The following CASQ1 variants were observed in gnomAD, a reference collection of about 807,000 sequenced individuals.
CASQ1 encodes the protein calsequestrin 1.
CASQ1 carries 40 observed loss-of-function variants against 49.5 expected under a neutral mutation model. That is an observed-to-expected ratio of 0.81 (90% CI 0.63 to 1.05). The LOEUF is 1.05. Ranked by LOEUF, CASQ1 falls within the 50% of genes least tolerant of loss-of-function variation. The pLI is 0.00. For missense variants in CASQ1, 469 were observed against 486.9 expected, an observed-to-expected ratio of 0.96 and a Z score of 0.35; for synonymous variants, 174 against 187.2, an observed-to-expected ratio of 0.93 and a Z score of 0.58.
At chr1:160,198,885 A>T (rs1047448082) in intron 8 of CASQ1, 68 bp from the exon 9 acceptor site, 17 of 1,172,010 alleles carry the variant, frequency 1.5e-5, no homozygotes, top group Non-Finnish European at 2.1e-5. Flanking sequence ...GTAGCTCTGC[A>T]CTCCTGTTTC....
At chr1:160,193,903 T>TA (rs774080933) in intron 3 of CASQ1, 56 bp downstream of exon 3, 79 of 1,123,560 alleles carry the variant, frequency 7.0e-5, no homozygotes, top group Non-Finnish European at 9.6e-5. Flanking sequence ...GCCTGCCCCC[T>TA]AGTCCCTACC....
Position 160,190,639 on chromosome 1 carries a change from C to T in CASQ1, c.-113C>T. Reference sequence around the variant, plus strand: ...CTGTCCACTGCTCTGGGCCATTCCCCAATCCCCCCTCCCACTTGAGCCCCT... The same window carrying T: ...CTGTCCACTGCTCTGGGCCATTCCCTAATCCCCCCTCCCACTTGAGCCCCT... On this transcript the variant is annotated 5_prime_UTR_variant, in exon 1 of 11. Transcript: ENST00000368078. 1.0e-6 allele frequency: 1 copy of T among 1,004,602 alleles called. No individual in the cohort carries two copies. Among genetic ancestry groups the T allele is most frequent in the South Asian group, 1.6e-5 (1 of 61,072 alleles). The allele number at this position is 1,004,602 out of a possible 1,614,324, so 62.2% of individuals were successfully genotyped here.
chr1:160,197,426 G>A, intron 6 of CASQ1, 143 bp from the exon 7 acceptor site: 2 of 657,432 alleles, frequency 3.0e-6, no homozygotes, highest in South Asian at 3.4e-5. Context: ...GCCCAGAGTT[G>A]AGGCCTTGCC....
Position 160,190,825 on chromosome 1 carries a change from T to G in CASQ1, c.74T>G (p.Leu25Arg). The change falls in exon 1 of 11, where the codon CTA becomes CGA. Residue 25 changes from leucine to arginine, a missense_variant. Transcript: ENST00000368078. ...CTGGCACTGCTGTTGCTGCTGGTGC[T>G]AGGGACACCCAAGTCAGGGGTACAG... ...LRLALLLLLV[L>R]GTPKSGVQGQ... 6.2e-7 allele frequency: 1 copy of G among 1,614,136 alleles called. No individual in the cohort carries two copies. The highest frequency in any genetic ancestry group is 2.2e-5 in the East Asian group (1 of 44,884).
At chr1:160,199,802 A>T in intron 9 of CASQ1, 49 bp from the exon 10 acceptor site, 1 of 1,262,522 alleles carries the variant, frequency 7.9e-7, no homozygotes, top group Non-Finnish European at 1.2e-6. Flanking sequence ...TCCTGGATTC[A>T]TGTGCTCCCT....
In CASQ1 at chr1:160,195,467, A is replaced by G. The variant is rs768161316; in HGVS notation, c.584A>G (p.Lys195Arg). The G allele has an allele frequency of 6.2e-6, 10 of 1,613,986 alleles. No homozygotes were observed. The highest frequency in any genetic ancestry group is 7.6e-6 in the Non-Finnish European group (9 of 1,179,918). ...YFKSKDSEHY[K>R]AFEDAAEEFH... ...TCTGCATTCCACCCCCCAGATTACA[A>G]AGCCTTCGAGGATGCAGCTGAGGAG... is the stretch of plus-strand genomic sequence containing the variant. Residue 195 changes from lysine to arginine, a missense_variant, in exon 5 of 11, where the codon AAA becomes AGA. Coordinates refer to ENST00000368078, the MANE Select transcript of CASQ1 (RefSeq NM_001231.5).
intron 5 of CASQ1, 86 bp from the exon 6 acceptor site, chr1:160,195,807 CCCTT>C: frequency 1.4e-6 from 2 of 1,393,424 alleles, no homozygotes; most frequent in Non-Finnish European, 2.0e-6. Context: ...CTTTCTGACT[CCCTT>C]CCTAATATTT....
chr1:160,194,807 GCA>G (rs1481589353), intron 3 of CASQ1, among the ~76,000 whole-genome samples: 1 of 140,816 alleles, frequency 7.1e-6, no homozygotes, highest in Non-Finnish European at 1.6e-5. Context: ...TATATCACAT[GCA>G]CACACACACC....
chr1:160,197,420 A>G, intron 6 of CASQ1, 149 bp from the exon 7 acceptor site: 1 of 623,796 alleles, frequency 1.6e-6, no homozygotes, highest in South Asian at 1.8e-5. Context: ...CCTGGTGCCC[A>G]GAGTTGAGGC....
rs758133872 is a variant in CASQ1, at chr1:160,195,884, C to G, written c.652-13C>G. 6.2e-7 allele frequency: 1 copy of G among 1,613,322 alleles called. No homozygotes were observed. Among genetic ancestry groups the G allele is most frequent in the Non-Finnish European group, 8.5e-7 (1 of 1,179,592 alleles). ...TCTCCTGCTCCACTCCCCTCCTACC[C>G]CCTCTCCCAAAGGTGGCAAAGAAGC... On this transcript the variant is annotated splice_polypyrimidine_tract_variant and intron_variant, in intron 5 of 10. Coordinates refer to ENST00000368078, the MANE Select transcript of CASQ1 (RefSeq NM_001231.5).
intron 6 of CASQ1, among the ~76,000 whole-genome samples, chr1:160,197,037 C>T (rs559598495): frequency 5.9e-5 from 9 of 152,252 alleles, no homozygotes; most frequent in South Asian, 2.1e-4. Flanking sequence ...ATAATCCTGC[C>T]GGGCACTCAC....
At chr1:160,198,255 C>T (rs1654289759) in intron 7 of CASQ1, 1 of 174,882 alleles carries the variant, frequency 5.7e-6, no homozygotes, top group Admixed American at 5.5e-5. Context: ...CCTGTAATCC[C>T]AGCACTTTGG....
chr1:160,198,913 C>T (rs775521699), intron 8 of CASQ1, 40 bp from the exon 9 acceptor site: 5 of 1,358,890 alleles, frequency 3.7e-6, no homozygotes, highest in Non-Finnish European at 5.3e-6. Flanking sequence ...TCCCTTTCCT[C>T]TCTACACACC....
At chr1:160,200,966 C>T (rs1317286687) in intron 10 of CASQ1, among the ~76,000 whole-genome samples, 1 of 152,170 alleles carries the variant, frequency 6.6e-6, no homozygotes, top group Non-Finnish European at 1.5e-5. Context: ...AGTGGTTTTG[C>T]ACCAAAGGCA....
chr1:160,195,314 A>G lies in CASQ1; in HGVS notation c.578-147A>G, dbSNP rs1448519288. ...GGGTTCCCAGACAAGCACCTCCAGT[A>G]TTCCACCTTCCCCTCACTCTCGAAG... is the stretch of plus-strand genomic sequence containing the variant. On this transcript the variant is annotated intron_variant, in intron 4 of 10. Transcript: ENST00000368078. 7.5e-6 allele frequency: 6 copies of G among 798,300 alleles called. No individual in the cohort carries two copies. The African/African-American group carries it at 1.0e-4, about 14-fold the overall frequency. 49.5% of individuals were successfully genotyped at this position (798,300 alleles called of 1,614,324 possible). A position where few individuals can be genotyped will look rare whatever the true frequency, so the allele number is the denominator to read the frequency against.
At chr1:160,191,800 T>C (rs980708067) in intron 1 of CASQ1, among the ~76,000 whole-genome samples, 1 of 152,094 alleles carries the variant, frequency 6.6e-6, no homozygotes, top group African/African-American at 2.4e-5. Context: ...GGAAATGGGA[T>C]GTGAGTTTTC....
chr1:160,190,821 G>C lies in CASQ1; in HGVS notation c.70G>C (p.Val24Leu), dbSNP rs756708043. The C allele has an allele frequency of 2.5e-6, 4 of 1,614,170 alleles. No individual in the cohort carries two copies. In the South Asian group the frequency reaches 4.4e-5, roughly 18 times the overall value. The change falls in exon 1 of 11, where the codon GTG becomes CTG. Residue 24 changes from valine (V) to leucine (L), a missense_variant. Coordinates refer to ENST00000368078, the MANE Select transcript of CASQ1 (RefSeq NM_001231.5). ...GLRLALLLLL[V>L]LGTPKSGVQG... ...GCGGCTGGCACTGCTGTTGCTGCTG[G>C]TGCTAGGGACACCCAAGTCAGGGGT... is the stretch of plus-strand genomic sequence containing the variant.
In CASQ1 at chr1:160,201,260, A is replaced by G; in HGVS notation, c.1075A>G (p.Met359Val). 1 of 1,613,310 alleles carries G rather than the reference A, an allele frequency of 6.2e-7. No individual in the cohort carries two copies. The highest frequency in any genetic ancestry group is 8.5e-7 in the Non-Finnish European group (1 of 1,179,712). Reference sequence around the variant, plus strand: ...CATCTCCTAGGCGGATAGCGTATGGATGGAAATGGACGATGAGGAGGACCT... The same window carrying G: ...CATCTCCTAGGCGGATAGCGTATGGGTGGAAATGGACGATGAGGAGGACCT... ...VNVTDADSVWMEMDDEEDLPS... is the reference protein window; with the variant it reads ...VNVTDADSVWVEMDDEEDLPS... Residue 359 changes from methionine to valine, a missense_variant, in exon 11 of 11, where the codon ATG becomes GTG. Coordinates refer to ENST00000368078, the MANE Select transcript of CASQ1 (RefSeq NM_001231.5).
At chr1:160,198,096 G>A (rs747684510) in intron 7 of CASQ1, 1 of 161,324 alleles carries the variant, frequency 6.2e-6, no homozygotes. Flanking sequence ...ATGGGAGACA[G>A]ACATAATTGA....
Sources: allele counts gnomAD v4.1 joint callset (sites outside exome capture counted in the v4.1 genomes callset), GRCh38; gene constraint gnomAD v4.1.1; transcripts MANE v1.5; gene names NCBI Gene and HGNC (gene_info 2026-07-23, HGNC 2026-07-21).